The following UNC5B variants were observed in gnomAD, a reference collection of about 807,000 sequenced individuals.
UNC5B encodes the protein unc-5 netrin receptor B.
Under a neutral mutation model 103.7 loss-of-function variants are expected in UNC5B, and 56 were observed. That is an observed-to-expected ratio of 0.54 (90% CI 0.44 to 0.67). The LOEUF (loss-of-function observed/expected upper bound fraction) is 0.67, where lower values mean the gene tolerates loss of function less well. UNC5B is among the 30% of genes least tolerant of loss of function. UNC5B has a pLI of 0.00. For synonymous variants in UNC5B, 577 were observed against 542.0 expected, an observed-to-expected ratio of 1.06 and a Z score of -0.90; for missense variants, 1,194 against 1,284.5, an observed-to-expected ratio of 0.93 and a Z score of 1.08.
chr10:71,214,077 G>A (rs1843286601), intron 1 of UNC5B, among the ~76,000 whole-genome samples: 1 of 152,132 alleles, frequency 6.6e-6, no homozygotes, highest in African/African-American at 2.4e-5. Flanking sequence ...AAGCAAGTGG[G>A]CTGGCCACGG....
intron 1 of UNC5B, among the ~76,000 whole-genome samples, chr10:71,222,795 G>A (rs373112596): frequency 2.9e-4 from 44 of 152,230 alleles, no homozygotes; most frequent in African/African-American, 8.4e-4. Context: ...GGCCCCAAGC[G>A]GCATCTGGAG....
intron 1 of UNC5B, among the ~76,000 whole-genome samples, chr10:71,235,190 A>G (rs4447093): frequency 0.47 from 71,636 of 151,956 alleles, 17,279 homozygotes; most frequent in African/African-American, 0.56. Context: ...CCTTCTTTCC[A>G]AATCTGTTCC....
intron 15 of UNC5B, among the ~76,000 whole-genome samples, chr10:71,297,005 G>C (rs551321774): frequency 3.1e-4 from 45 of 143,400 alleles, no homozygotes; most frequent in Middle Eastern, 7.0e-3. Flanking sequence ...AGGGAAGGGC[G>C]GCCAGATATT....
intron 1 of UNC5B, among the ~76,000 whole-genome samples, chr10:71,276,791 C>A (rs1398204322): frequency 6.6e-6 from 1 of 152,234 alleles, no homozygotes; most frequent in African/African-American, 2.4e-5. Flanking sequence ...CCAGCAGAGT[C>A]CACTCATGGT....
chr10:71,291,235 TA>T (rs1845245757), intron 9 of UNC5B, 126 bp downstream of exon 9: 10 of 1,347,934 alleles, frequency 7.4e-6, no homozygotes, highest in Non-Finnish European at 1.0e-5. Flanking sequence ...GCTCTAGAGA[TA>T]ACTATGTGGA....
At chr10:71,255,290 C>T (rs967225296) in intron 1 of UNC5B, among the ~76,000 whole-genome samples, 1 of 152,188 alleles carries the variant, frequency 6.6e-6, no homozygotes, top group African/African-American at 2.4e-5. Flanking sequence ...AAGTAGAATT[C>T]TAGGTAAAAA....
At position 71,212,926 on chromosome 10, in the gene UNC5B, C is replaced by G; in HGVS notation, c.-60C>G. On this transcript the variant is annotated 5_prime_UTR_variant, in exon 1 of 17. Transcript: ENST00000335350. ...GCGGCGGCGGCGGAGACGGCGGCGG[C>G]GAGACTGGGGCCAGGGAGACAGCCC... The G allele has an allele frequency of 8.2e-7, 1 of 1,220,616 alleles. No homozygotes were observed. The highest frequency in any genetic ancestry group is 1.0e-6 in the Non-Finnish European group (1 of 971,572). The allele number at this position is 1,220,616 out of a possible 1,614,324, so 75.6% of individuals were successfully genotyped here.
At chr10:71,222,289 A>G (rs1398066257) in intron 1 of UNC5B, among the ~76,000 whole-genome samples, 1 of 146,390 alleles carries the variant, frequency 6.8e-6, no homozygotes, top group Non-Finnish European at 1.5e-5. Flanking sequence ...TCATCTAGCA[A>G]CTCAAGACTT....
intron 16 of UNC5B, 103 bp downstream of exon 16, chr10:71,298,193 C>A: frequency 1.5e-6 from 2 of 1,367,330 alleles, no homozygotes; most frequent in Non-Finnish European, 2.0e-6. Flanking sequence ...ATCTCCCAGA[C>A]CAGCTGCCCT....
intron 14 of UNC5B, among the ~76,000 whole-genome samples, chr10:71,296,237 TCACCCTTCA>T (rs1845408799): frequency 1.3e-5 from 2 of 152,156 alleles, no homozygotes; most frequent in South Asian, 4.1e-4. Flanking sequence ...CAGAGGCTCC[TCACCCTTCA>T]GGGCATGCCC....
chr10:71,245,094 C>G (rs1299234066), intron 1 of UNC5B, among the ~76,000 whole-genome samples: 3 of 152,232 alleles, frequency 2.0e-5, no homozygotes, highest in African/African-American at 7.2e-5. Context: ...TCACTATTGT[C>G]CCCGGGCTCC....
intron 1 of UNC5B, among the ~76,000 whole-genome samples, chr10:71,245,571 G>T (rs565798559): frequency 6.6e-6 from 1 of 152,284 alleles, no homozygotes; most frequent in Admixed American, 6.5e-5. Context: ...GGGAGGCAAA[G>T]GGGTGGATTC....
At chr10:71,296,980 A>ACG (rs1434542362) in intron 15 of UNC5B, among the ~76,000 whole-genome samples, 1 of 134,484 alleles carries the variant, frequency 7.4e-6, no homozygotes, top group African/African-American at 2.7e-5. Context: ...GCTGCACACC[A>ACG]CTCTGGTGGA....
rs762180773 is a variant in UNC5B, at chr10:71,292,459, C to T, written c.1685-8C>T. On this transcript the variant is annotated splice_region_variant and splice_polypyrimidine_tract_variant and intron_variant, in intron 10 of 16. Coordinates refer to ENST00000335350, the MANE Select transcript of UNC5B (RefSeq NM_170744.5). The stretch of plus-strand genomic sequence containing the variant: ...CTGGACTCCCTGCTGACTTCCCTCT[C>T]CCCCTAGGGGTCAGCTTGCTGGTGC... 2.0e-5 allele frequency: 31 copies of T among 1,585,424 alleles called. No homozygotes were observed. The highest frequency in any genetic ancestry group is 2.6e-5 in the Non-Finnish European group (30 of 1,164,822).
In UNC5B at chr10:71,299,482, T is replaced by C; in HGVS notation, c.*205T>C. 3 of 586,558 alleles carry C rather than the reference T, an allele frequency of 5.1e-6. No individual in the cohort carries two copies. The South Asian group carries it at 6.6e-5, about 13-fold the overall frequency. 36.3% of individuals were successfully genotyped at this position (586,558 alleles called of 1,614,324 possible). A position where few individuals can be genotyped will look rare whatever the true frequency, so the allele number is the denominator to read the frequency against. ...TGTTGTTAGAGGGCCCAGAGTTCCT[T>C]CTCCACCCCCGCTCTCTCTCTCTTG... On this transcript the variant is annotated 3_prime_UTR_variant, in exon 17 of 17. Coordinates refer to ENST00000335350, the MANE Select transcript of UNC5B (RefSeq NM_170744.5).
At position 71,298,376 on chromosome 10, in the gene UNC5B, G is replaced by A. The variant is rs544816188; in HGVS notation, c.2672+286G>A. ...TAATGCTCCACCTGCCCATCTCACC[G>A]AACAGCAGGAGACTCAAAGCCAGGG... On this transcript the variant is annotated intron_variant, in intron 16 of 16. Transcript: ENST00000335350. Among the ~76,000 whole-genome samples, 6 of 152,238 alleles carry A rather than the reference G, an allele frequency of 3.9e-5. No homozygotes were observed. The South Asian group carries it at 6.2e-4, about 16-fold the overall frequency.
chr10:71,225,873 C>A (rs1282452499), intron 1 of UNC5B, among the ~76,000 whole-genome samples: 2 of 113,096 alleles, frequency 1.8e-5, no homozygotes, highest in Non-Finnish European at 4.6e-5. Context: ...CCTGCAGACA[C>A]TACCTGCTGG....
chr10:71,293,593 G>A lies in UNC5B; in HGVS notation c.1941+20G>A, dbSNP rs764779942. On this transcript the variant is annotated intron_variant, in intron 12 of 16. Coordinates refer to ENST00000335350, the MANE Select transcript of UNC5B (RefSeq NM_170744.5). The stretch of plus-strand genomic sequence containing the variant: ...TGGGAGGTGAGGAGCCACGGTGAAG[G>A]CTGGCCCAGCTCTCCCAACCTGCCC... 3 of 1,613,168 alleles carry A rather than the reference G, an allele frequency of 1.9e-6. No homozygotes were observed. The highest frequency in any genetic ancestry group is 2.2e-5 in the East Asian group (1 of 44,892).
intron 1 of UNC5B, among the ~76,000 whole-genome samples, chr10:71,220,741 T>C (rs1843437696): frequency 6.6e-6 from 1 of 152,210 alleles, no homozygotes; most frequent in Admixed American, 6.5e-5. Flanking sequence ...TCAGGGCCTG[T>C]TGGCATGCAG....
Sources: allele counts gnomAD v4.1 joint callset (sites outside exome capture counted in the v4.1 genomes callset), GRCh38; gene constraint gnomAD v4.1.1; transcripts MANE v1.5; gene names NCBI Gene and HGNC (gene_info 2026-07-23, HGNC 2026-07-21).